SYTL5: variants seen among roughly 807,000 people sequenced by gnomAD.
SYTL5 encodes synaptotagmin-like protein 5.
Under a neutral mutation model 55.9 loss-of-function variants are expected in SYTL5, and 34 were observed. The observed-to-expected ratio is 0.61, with a 90% CI of 0.46 to 0.81. SYTL5 has a LOEUF of 0.81. Among genes scored for constraint, SYTL5 ranks in the 30% least tolerant of loss-of-function variants. The pLI is 0.00. For synonymous variants in SYTL5, 221 were observed against 188.7 expected, an observed-to-expected ratio of 1.17 and a Z score of -1.40; for missense variants, 637 against 546.7, an observed-to-expected ratio of 1.17 and a Z score of -1.65.
the SYTL5 span, among the ~76,000 whole-genome samples, chrX:37,981,645 G>T: frequency 1.8e-5 from 2 of 111,592 alleles, no homozygotes; most frequent in Non-Finnish European, 3.8e-5. Context: ...TGTCAAGAGA[G>T]CCCAGACTAG....
At chrX:37,993,639 T>C in the SYTL5 span, among the ~76,000 whole-genome samples, 2 of 112,405 alleles carry the variant, frequency 1.8e-5, no homozygotes, top group African/African-American at 6.5e-5. Flanking sequence ...ACATTGATCA[T>C]GAATGTTTAA....
upstream of SYTL5, among the ~76,000 whole-genome samples, chrX:38,003,366 A>G (rs1403742215): frequency 1.8e-5 from 2 of 111,292 alleles, no homozygotes; most frequent in African/African-American, 3.3e-5. Flanking sequence ...CTGATAGGCA[A>G]CTTCAGCAAA....
At chrX:37,928,901 T>C in the SYTL5 span, among the ~76,000 whole-genome samples, 2 of 112,193 alleles carry the variant, frequency 1.8e-5, no homozygotes, top group Admixed American at 9.5e-5. Context: ...GCTAACATGG[T>C]AAATTATTAT....
chrX:38,082,338 A>C (rs1466558025), intron 6 of SYTL5, among the ~76,000 whole-genome samples: 1 of 112,200 alleles, frequency 8.9e-6, no homozygotes, highest in East Asian at 2.8e-4. Flanking sequence ...AATATGTATT[A>C]TGTGACATGT....
the SYTL5 span, among the ~76,000 whole-genome samples, chrX:37,975,985 C>T: frequency 9.0e-6 from 1 of 111,524 alleles, no homozygotes; most frequent in African/African-American, 3.3e-5. Context: ...GTGGCCTCTG[C>T]CCTCCAAAGC....
At position 38,078,244 on chromosome X, in the gene SYTL5, A is replaced by G. The variant is rs148634576; in HGVS notation, c.689+1543A>G. On this transcript the variant is annotated intron_variant, in intron 6 of 16. Coordinates refer to ENST00000297875, the MANE Select transcript of SYTL5 (RefSeq NM_138780.3). ...AATATATACAAAAAGAGGAAAGACA[A>G]TGTTCCTTGTTTTTTGTTTTTGTTT... 4.7e-3 allele frequency among the ~76,000 whole-genome samples: 490 copies of G among 103,334 alleles called. 2 individuals carry two copies. The highest frequency in any genetic ancestry group is 0.017 in the African/African-American group (462 of 27,573). 89.7% of individuals were successfully genotyped at this position (103,334 alleles called of 115,157 possible).
chrX:37,965,721 T>G, the SYTL5 span, among the ~76,000 whole-genome samples: 2 of 112,361 alleles, frequency 1.8e-5, no homozygotes, highest in South Asian at 3.6e-4. Context: ...TCGCCTACTA[T>G]TATTGTATTG....
chrX:38,122,508 G>T (rs936445490), intron 15 of SYTL5, among the ~76,000 whole-genome samples: 1 of 112,262 alleles, frequency 8.9e-6, no homozygotes, highest in Non-Finnish European at 1.9e-5. Context: ...ACAAAAGTAT[G>T]ATTTCCTATG....
At chrX:37,959,916 G>A in the SYTL5 span, among the ~76,000 whole-genome samples, 26 of 111,696 alleles carry the variant, frequency 2.3e-4, no homozygotes, top group Admixed American at 8.5e-4. Context: ...TGTTCCCACA[G>A]CTCTTACATT....
intron 2 of SYTL5, among the ~76,000 whole-genome samples, chrX:38,046,503 C>T (rs1289988025): frequency 9.0e-6 from 1 of 111,376 alleles, no homozygotes; most frequent in African/African-American, 3.3e-5. Context: ...GGGAAAGACC[C>T]ACCCAAATGA....
the SYTL5 span, among the ~76,000 whole-genome samples, chrX:37,964,637 A>G: frequency 3.6e-5 from 4 of 110,903 alleles, no homozygotes; most frequent in African/African-American, 6.6e-5. Context: ...TTCCTCTTCA[A>G]TTTTTCAGAA....
chrX:38,007,394 C>T (rs1201171204), intron 1 of SYTL5, among the ~76,000 whole-genome samples: 2 of 111,282 alleles, frequency 1.8e-5, no homozygotes, highest in Non-Finnish European at 3.8e-5. Context: ...CCAATACTGT[C>T]TTCCTCATTT....
At chrX:37,978,053 A>G in the SYTL5 span, among the ~76,000 whole-genome samples, 8 of 111,843 alleles carry the variant, frequency 7.2e-5, no homozygotes, top group African/African-American at 2.6e-4. Flanking sequence ...CACTAGTGCA[A>G]TCACATTTTT....
the SYTL5 span, among the ~76,000 whole-genome samples, chrX:37,895,270 G>A: frequency 8.9e-6 from 1 of 112,153 alleles, no homozygotes; most frequent in Non-Finnish European, 1.9e-5. Context: ...TTTAATAATT[G>A]TATGATCTTT....
the SYTL5 span, among the ~76,000 whole-genome samples, chrX:37,998,176 C>T: frequency 2.2e-3 from 248 of 112,695 alleles, no homozygotes; most frequent in African/African-American, 7.7e-3. Flanking sequence ...TCACCCTCCA[C>T]TTGTTGGTGT....
the SYTL5 span, among the ~76,000 whole-genome samples, chrX:37,996,033 G>C: frequency 9.0e-6 from 1 of 111,675 alleles, no homozygotes; most frequent in Admixed American, 9.4e-5. Context: ...AAGGACCCGG[G>C]CTTCTGGGCT....
At chrX:38,122,327 A>G (rs1439384051) in intron 15 of SYTL5, 112 bp downstream of exon 15, 10 of 627,658 alleles carry the variant, frequency 1.6e-5, no homozygotes, top group Non-Finnish European at 2.4e-5. Flanking sequence ...CTAGAAGTGT[A>G]TGGGTGAGAA....
chrX:37,903,409 A>AT, the SYTL5 span, among the ~76,000 whole-genome samples: 2 of 108,424 alleles, frequency 1.8e-5, no homozygotes, highest in Non-Finnish European at 3.8e-5. Context: ...AGGGACATGG[A>AT]TGAAGCTGGA....
At chrX:37,982,830 C>A in the SYTL5 span, among the ~76,000 whole-genome samples, 2 of 110,491 alleles carry the variant, frequency 1.8e-5, no homozygotes, top group Non-Finnish European at 3.8e-5. Context: ...AGCTTCTTTC[C>A]AATACATAAA....
Sources: gnomAD v4.1 joint callset for allele counts (sites outside exome capture counted in the v4.1 genomes callset) on GRCh38, gnomAD v4.1.1 for gene constraint, MANE v1.5 for transcripts, NCBI Gene and HGNC (gene_info 2026-07-23, HGNC 2026-07-21) for gene names.